The following PRKCZ variants were observed in gnomAD, a reference collection of about 807,000 sequenced individuals.
PRKCZ encodes protein kinase C zeta, also known as protein kinase C zeta type.
A neutral mutation model predicts 79.5 loss-of-function variants in PRKCZ; 33 were observed. The observed-to-expected ratio is 0.41, with a 90% CI of 0.31 to 0.55. PRKCZ has a LOEUF of 0.55. Ranked by LOEUF, PRKCZ falls within the 20% of genes least tolerant of loss-of-function variation. The probability of loss-of-function intolerance (pLI) is 0.19; values close to 1 mark genes in which losing one functional copy is unlikely to be tolerated. For synonymous variants in PRKCZ, 342 were observed against 320.9 expected (o/e 1.07, Z -0.70); for missense variants, 578 against 813.5 (o/e 0.71, Z 3.52).
rs150370833 is a variant in PRKCZ at position 2,165,454 on chromosome 1, C to T, written c.975-4064C>T. The stretch of plus-strand genomic sequence containing the variant: ...CTCGGCTTCCCCATCTGTAAAATGG[C>T]GAGAGCTGAACTTACTTCCTGGTGA... On this transcript the variant is annotated intron_variant, in intron 10 of 17. Transcript: ENST00000378567. This position sits in a 1 kb window ranked among gnomAD's most constrained non-coding sequence, Gnocchi z 4.1. 2.0e-3 allele frequency among the ~76,000 whole-genome samples: 304 copies of T among 152,264 alleles called. 7 individuals carry two copies. Among genetic ancestry groups the T allele is most frequent in the East Asian group, 0.018 (93 of 5,180 alleles).
intron 4 of PRKCZ, among the ~76,000 whole-genome samples, chr1:2,107,072 A>G (rs1668691989): frequency 6.6e-6 from 1 of 152,254 alleles, no homozygotes; most frequent in Admixed American, 6.5e-5. Context: ...TTGAGATCAA[A>G]GTTAAAAGAA....
chr1:2,181,474 C>G (rs1450491888), intron 16 of PRKCZ, among the ~76,000 whole-genome samples: 4 of 152,230 alleles, frequency 2.6e-5, no homozygotes, highest in African/African-American at 9.6e-5. Context: ...ACGCACTGCT[C>G]TGAGAGGCCA....
At position 2,150,964 on chromosome 1, in the gene PRKCZ, G is replaced by C; in HGVS notation, c.862G>C (p.Val288Leu). The C allele has an allele frequency of 6.2e-7, 1 of 1,613,804 alleles. No homozygotes were observed. The highest frequency in any genetic ancestry group is 8.5e-7 in the Non-Finnish European group (1 of 1,180,018). The change falls in exon 9 of 18, where the codon GTG (valine) becomes CTG (leucine). Residue 288 changes from valine (V) to leucine (L), a missense_variant. Val to Leu is a conservative substitution (Grantham distance 32, BLOSUM62 1). This residue lies in a region of PRKCZ where 243 missense variants were observed against 467.0 expected (regional missense o/e 0.52). Transcript: ENST00000378567. ...CATGAAAGTGGTGAAGAAAGAGCTG[G>C]TGCATGATGACGAGGTAGGTGCCGC... ...YAMKVVKKEL[V>L]HDDEDIDWVQ... is the part of the protein sequence containing the mutation.
chr1:2,158,611 C>T (rs1366483598), intron 10 of PRKCZ, among the ~76,000 whole-genome samples: 1 of 152,238 alleles, frequency 6.6e-6, no homozygotes, highest in Non-Finnish European at 1.5e-5. Flanking sequence ...CCCCACACTT[C>T]CTAAATGGTG....
intron 2 of PRKCZ, 67 bp from the exon 3 acceptor site, chr1:2,056,417 G>A (rs1203418384): frequency 9.9e-6 from 14 of 1,417,300 alleles, no homozygotes; most frequent in South Asian, 3.7e-5. Context: ...TGTGCTGAGC[G>A]GGCTCGTCAC....
At chr1:2,146,004 C>A (rs371766326) in intron 6 of PRKCZ, 23 bp from the exon 7 acceptor site, 3 of 1,589,764 alleles carry the variant, frequency 1.9e-6, no homozygotes, top group Non-Finnish European at 2.6e-6. Flanking sequence ...GGTCATGCTG[C>A]CATCTCTGTG....
At chr1:2,171,370 ATT>A (rs564778926) in intron 11 of PRKCZ, among the ~76,000 whole-genome samples, 21 of 135,130 alleles carry the variant, frequency 1.6e-4, no homozygotes, top group Admixed American at 1.5e-4. Context: ...GTCATATTTA[ATT>A]TTTTTTTTTT....
intron 4 of PRKCZ, among the ~76,000 whole-genome samples, chr1:2,077,335 G>A (rs538363454): frequency 5.3e-5 from 8 of 152,280 alleles, no homozygotes; most frequent in South Asian, 2.1e-4. Context: ...AGATTCAACC[G>A]ACTGCAAGAC....
chr1:2,151,071 G>C, intron 9 of PRKCZ, 93 bp downstream of exon 9: 1 of 1,405,668 alleles, frequency 7.1e-7, no homozygotes, highest in Non-Finnish European at 9.6e-7. Context: ...ATGCACGAGA[G>C]ACCTAGCCTC....
intron 4 of PRKCZ, among the ~76,000 whole-genome samples, chr1:2,124,513 C>G (rs925704174): frequency 3.3e-5 from 5 of 152,048 alleles, no homozygotes; most frequent in African/African-American, 1.2e-4. Context: ...GCTCTCTGCT[C>G]CACATGAGAA....
chr1:2,159,007 C>T (rs548841236), intron 10 of PRKCZ, among the ~76,000 whole-genome samples: 1 of 152,226 alleles, frequency 6.6e-6, no homozygotes, highest in South Asian at 2.1e-4. Flanking sequence ...CTCACTGCAA[C>T]TTCCACCTCC....
chr1:2,059,705 G>A (rs1203303986), intron 4 of PRKCZ, 114 bp downstream of exon 4: 24 of 1,388,384 alleles, frequency 1.7e-5, no homozygotes, highest in South Asian at 1.2e-4. Context: ...CTCGTGGAGC[G>A]TCAGGGCAGG....
intron 10 of PRKCZ, among the ~76,000 whole-genome samples, chr1:2,164,340 C>A (rs1682916032): frequency 6.6e-6 from 1 of 152,084 alleles, no homozygotes; most frequent in South Asian, 2.1e-4. Flanking sequence ...ACACAGGTTT[C>A]CCATGGGAAG....
At chr1:2,155,374 CAG>C (rs991642549) in intron 9 of PRKCZ, among the ~76,000 whole-genome samples, 6 of 148,424 alleles carry the variant, frequency 4.0e-5, no homozygotes, top group African/African-American at 7.5e-5. Context: ...ATGGTGATGA[CAG>C]TGGTGATGAT....
At position 2,175,809 on chromosome 1, in the gene PRKCZ, C is replaced by G. The variant is rs184724659; in HGVS notation, c.1575+496C>G. Among the ~76,000 whole-genome samples, 329 of 152,174 alleles carry G rather than the reference C, an allele frequency of 2.2e-3. 1 individual carries two copies. The highest frequency in any genetic ancestry group is 6.8e-3 in the South Asian group (33 of 4,824). On this transcript the variant is annotated intron_variant, in intron 16 of 17. Coordinates refer to ENST00000378567, the MANE Select transcript of PRKCZ (RefSeq NM_002744.6). ...AGGAGAGTGAGGGGCCGGACGAGCT[C>G]GGCCCATGGCGCTTCCTGGCAACCC... is the stretch of plus-strand genomic sequence containing the variant.
intron 3 of PRKCZ, 26 bp from the exon 4 acceptor site, chr1:2,059,515 G>T (rs375919948): frequency 3.3e-5 from 54 of 1,613,634 alleles, no homozygotes; most frequent in Non-Finnish European, 4.1e-5. Flanking sequence ...GGGTCTTGAC[G>T]CTGTCTCTTT....
At chr1:2,092,860 C>G (rs1398292704) in intron 4 of PRKCZ, among the ~76,000 whole-genome samples, 1 of 152,180 alleles carries the variant, frequency 6.6e-6, no homozygotes, top group Non-Finnish European at 1.5e-5. Context: ...GGCCTCAGAT[C>G]ACCACACAGT....
chr1:2,139,880 G>T (rs773755108), intron 5 of PRKCZ, among the ~76,000 whole-genome samples: 45 of 152,234 alleles, frequency 3.0e-4, no homozygotes, highest in Non-Finnish European at 2.8e-4. Flanking sequence ...TCCACCACGT[G>T]GGGTATAAAC....
chr1:2,081,623 C>A (rs1418503667), intron 4 of PRKCZ, among the ~76,000 whole-genome samples: 1 of 152,156 alleles, frequency 6.6e-6, no homozygotes, highest in African/African-American at 2.4e-5. Flanking sequence ...GAAGTCACCA[C>A]ACTGTGCCCG....
Sources: gnomAD v4.1 joint callset for allele counts (sites outside exome capture counted in the v4.1 genomes callset) on GRCh38, gnomAD v4.1.1 for gene constraint, gnomAD v4.1.1 regional missense constraint, Gnocchi (gnomAD v3.1) non-coding constraint, MANE v1.5 for transcripts, NCBI Gene and HGNC (gene_info 2026-07-23, HGNC 2026-07-21) for gene names.